Variants in TECPR2 observed in about 807,000 individuals in gnomAD.
TECPR2 encodes the protein tectonin beta-propeller repeat-containing protein 2.
Under a neutral mutation model 138.1 loss-of-function variants are expected in TECPR2, and 65 were observed. That is an observed-to-expected ratio of 0.47 (90% confidence interval 0.39 to 0.58). TECPR2 has a LOEUF of 0.58. Among genes scored for constraint, TECPR2 ranks in the 20% least tolerant of loss-of-function variants. The probability of loss-of-function intolerance (pLI) is 0.00; values close to 1 mark genes in which losing one functional copy is unlikely to be tolerated. For synonymous variants in TECPR2, 746 were observed against 749.8 expected, an observed-to-expected ratio of 0.99 and a Z score of 0.08; for missense variants, 1,553 against 1,824.5, an observed-to-expected ratio of 0.85 and a Z score of 2.71.
At chr14:102,409,160 T>A (rs776442212) in intron 4 of TECPR2, among the ~76,000 whole-genome samples, 5 of 152,218 alleles carry the variant, frequency 3.3e-5, no homozygotes, top group African/African-American at 4.8e-5. Flanking sequence ...CCCGTGCCTT[T>A]TCCACTGCAC....
chr14:102,392,746 C>G (rs373900577), intron 2 of TECPR2, among the ~76,000 whole-genome samples: 1 of 152,048 alleles, frequency 6.6e-6, no homozygotes, highest in African/African-American at 2.4e-5. Context: ...GGACCTGGAT[C>G]GGGACTGCTC....
intron 16 of TECPR2, among the ~76,000 whole-genome samples, chr14:102,454,889 T>C (rs1477648222): frequency 6.6e-6 from 1 of 152,214 alleles, no homozygotes; most frequent in East Asian, 1.9e-4. Flanking sequence ...TCAGAGTGAA[T>C]GGGCATCATG....
intron 10 of TECPR2, 84 bp downstream of exon 10, chr14:102,438,289 A>G: frequency 6.8e-7 from 1 of 1,473,516 alleles, no homozygotes; most frequent in Non-Finnish European, 9.0e-7. Context: ...ACATCTTAGT[A>G]CAGGGCTCCC....
intron 5 of TECPR2, among the ~76,000 whole-genome samples, chr14:102,418,966 G>A (rs1950104918): frequency 6.6e-6 from 1 of 152,090 alleles, no homozygotes; most frequent in Non-Finnish European, 1.5e-5. Flanking sequence ...GGAGGAGATG[G>A]AACAGCCTGC....
chr14:102,372,227 A>G (rs1887523914), intron 1 of TECPR2, among the ~76,000 whole-genome samples: 1 of 151,656 alleles, frequency 6.6e-6, no homozygotes, highest in South Asian at 2.1e-4. Flanking sequence ...CTAGGATTAC[A>G]GGTGTGACCT....
chr14:102,416,683 C>T (rs551740696), intron 5 of TECPR2, among the ~76,000 whole-genome samples: 1 of 152,336 alleles, frequency 6.6e-6, no homozygotes, highest in African/African-American at 2.4e-5. Flanking sequence ...CCAACAATCT[C>T]TCTTAAAACC....
At chr14:102,473,484 C>T (rs887525942) in intron 17 of TECPR2, among the ~76,000 whole-genome samples, 4 of 152,218 alleles carry the variant, frequency 2.6e-5, no homozygotes, top group Admixed American at 1.3e-4. Flanking sequence ...TGAGCTTCTT[C>T]ATCTGCGTAG....
intron 17 of TECPR2, among the ~76,000 whole-genome samples, chr14:102,482,017 G>A (rs1890903843): frequency 1.3e-5 from 2 of 151,916 alleles, no homozygotes; most frequent in Admixed American, 1.3e-4. Context: ...GTTTTCCCTG[G>A]ACTTGATAAT....
intron 1 of TECPR2, among the ~76,000 whole-genome samples, chr14:102,373,879 G>A (rs1203927289): frequency 6.6e-6 from 1 of 151,912 alleles, no homozygotes; most frequent in Non-Finnish European, 1.5e-5. Flanking sequence ...AGGAGTTCGA[G>A]ACCAGCCTGG....
intron 2 of TECPR2, among the ~76,000 whole-genome samples, chr14:102,384,845 CCTTTTTTTTT>C (rs1297204325): frequency 2.3e-5 from 3 of 132,930 alleles, no homozygotes; most frequent in African/African-American, 9.0e-5. Flanking sequence ...CTTTTCCTTT[CCTTTTTTTTT>C]TTTTTTTTTT....
intron 2 of TECPR2, among the ~76,000 whole-genome samples, chr14:102,390,511 A>G (rs753582374): frequency 4.0e-4 from 61 of 152,178 alleles, no homozygotes; most frequent in African/African-American, 1.5e-3. Context: ...TTGTCCCTAG[A>G]TCAAAAAAAG....
rs770524678 is a variant in TECPR2 at position 102,432,057 on chromosome 14, C to T, written c.1346C>T (p.Ser449Leu). ...TCACAGAGATTCAACGCCATCAGCT[C>T]AGAGGACTTTGACCAGGAGCTTGTC... is the stretch of plus-strand genomic sequence containing the variant. Reference protein sequence around the residue: ...PLSQRFNAISSEDFDQELVVK... With the variant: ...PLSQRFNAISLEDFDQELVVK... The change falls in exon 8 of 20, where the codon TCA becomes TTA. Residue 449 changes from serine to leucine, a missense_variant. Coordinates refer to ENST00000359520, the MANE Select transcript of TECPR2 (RefSeq NM_014844.5). 4.2e-5 allele frequency: 68 copies of T among 1,612,248 alleles called. No homozygotes were observed. The highest frequency in any genetic ancestry group is 1.8e-4 in the South Asian group (16 of 90,994).
Position 102,501,578 on chromosome 14 carries a change from A to C in TECPR2, c.*3321A>C, listed in dbSNP as rs1891436295. ...TAAATAGAAGGAAATAAATGTAAAA[A>C]TGCTGCAAATTAAAAACCTCAAAGA... On this transcript the variant is annotated 3_prime_UTR_variant, in exon 20 of 20. Coordinates refer to ENST00000359520, the MANE Select transcript of TECPR2 (RefSeq NM_014844.5). 1 of 152,202 alleles carries C rather than the reference A, an allele frequency of 6.6e-6. No individual in the cohort carries two copies. The highest frequency in any genetic ancestry group is 1.5e-5 in the Non-Finnish European group (1 of 68,044). The allele number at this position is 152,202 out of a possible 1,614,324, so 9.4% of individuals were successfully genotyped here. A position where few individuals can be genotyped will look rare whatever the true frequency, so the allele number is the denominator to read the frequency against.
intron 2 of TECPR2, among the ~76,000 whole-genome samples, chr14:102,396,870 C>T (rs1888329747): frequency 6.6e-6 from 1 of 152,204 alleles, no homozygotes; most frequent in Admixed American, 6.6e-5. Flanking sequence ...CTGATTGCTG[C>T]TTCTGATCGT....
chr14:102,402,821 C>T (rs1159347800), intron 2 of TECPR2, among the ~76,000 whole-genome samples: 4 of 152,104 alleles, frequency 2.6e-5, no homozygotes, highest in African/African-American at 9.7e-5. Context: ...AAACACAAAA[C>T]CTACTGAGAC....
intron 4 of TECPR2, among the ~76,000 whole-genome samples, chr14:102,410,290 C>CATTCAGT (rs1425903637): frequency 7.9e-5 from 12 of 151,042 alleles, no homozygotes; most frequent in African/African-American, 2.7e-4. Context: ...CTGGATTCTC[C>CATTCAGT]CTAATCTCAA....
chr14:102,381,989 T>G (rs1193341579), intron 2 of TECPR2, among the ~76,000 whole-genome samples: 1 of 152,130 alleles, frequency 6.6e-6, no homozygotes, highest in Non-Finnish European at 1.5e-5. Context: ...TGATTCTAAG[T>G]AGATTTTGAA....
At chr14:102,406,698 A>G (rs906002328) in intron 2 of TECPR2, among the ~76,000 whole-genome samples, 1 of 152,028 alleles carries the variant, frequency 6.6e-6, no homozygotes, top group South Asian at 2.1e-4. Context: ...TACAAAAAAA[A>G]ATTAAAATTA....
At chr14:102,431,722 C>T in intron 7 of TECPR2, 74 bp from the exon 8 acceptor site, 5 of 1,406,804 alleles carry the variant, frequency 3.6e-6, no homozygotes, top group Non-Finnish European at 4.8e-6. Context: ...GTATTTAGGG[C>T]TAGCAAACGT....
Sources: gnomAD v4.1 joint callset for allele counts (sites outside exome capture counted in the v4.1 genomes callset) on GRCh38, gnomAD v4.1.1 for gene constraint, MANE v1.5 for transcripts, NCBI Gene and HGNC (gene_info 2026-07-23, HGNC 2026-07-21) for gene names.